Variants in EPN2 observed in about 807,000 individuals in gnomAD.
EPN2 encodes epsin 2.
EPN2 carries 34 observed loss-of-function variants against 61.7 expected under a neutral mutation model. The ratio of observed to expected loss-of-function variants is 0.55; its 90% CI spans 0.42 to 0.73. The LOEUF is 0.73. Among genes scored for constraint, EPN2 ranks in the 30% least tolerant of loss-of-function variants. EPN2 has a pLI of 0.00. For missense variants in EPN2, 714 were observed against 839.2 expected, an observed-to-expected ratio of 0.85 and a Z score of 1.84; for synonymous variants, 349 against 353.6, an observed-to-expected ratio of 0.99 and a Z score of 0.15.
chr17:19,258,734 G>C (rs1367786356), intron 1 of EPN2, among the ~76,000 whole-genome samples: 2 of 152,162 alleles, frequency 1.3e-5, no homozygotes, highest in Non-Finnish European at 2.9e-5. Context: ...CGTGTGGACA[G>C]CGCGGTTTGT....
At chr17:19,266,463 C>T (rs997611820) in intron 1 of EPN2, among the ~76,000 whole-genome samples, 17 of 150,864 alleles carry the variant, frequency 1.1e-4, no homozygotes, top group African/African-American at 2.9e-4. Context: ...AGTGCAGTGG[C>T]GCGATCTTGG....
intron 4 of EPN2, chr17:19,308,370 G>A: frequency 1.0e-6 from 1 of 985,312 alleles, no homozygotes; most frequent in Non-Finnish European, 1.2e-6. Context: ...CGCCATGCCC[G>A]GCACAATTAG....
intron 5 of EPN2, among the ~76,000 whole-genome samples, chr17:19,310,287 G>A (rs375182333): frequency 1.8e-3 from 268 of 152,310 alleles, no homozygotes; most frequent in African/African-American, 6.2e-3. Context: ...GCAGACACGT[G>A]TCTGGGCTTT....
At position 19,285,587 on chromosome 17, in the gene EPN2, CTCTG is replaced by C; in HGVS notation, c.596-31_596-28del. The C allele has an allele frequency of 6.8e-7, 1 of 1,475,748 alleles. No homozygotes were observed. The highest frequency in any genetic ancestry group is 9.0e-7 in the Non-Finnish European group (1 of 1,106,930). 91.4% of individuals were successfully genotyped at this position (1,475,748 alleles called of 1,614,324 possible). On this transcript the variant is annotated intron_variant, in intron 3 of 10. Coordinates refer to ENST00000314728, the MANE Select transcript of EPN2 (RefSeq NM_014964.5). The surrounding 1 kb of genome is among the most constrained non-coding windows in gnomAD (Gnocchi z 4.5). Reference sequence around the variant, plus strand: ...CTGCGCACCCTCTAATGGCGTGTCTCTCTGTGTGTGTGTGTGTGTCCCTGCCCCA... The same window carrying C: ...CTGCGCACCCTCTAATGGCGTGTCTCTGTGTGTGTGTGTGTCCCTGCCCCA...
rs752069916 is a variant in EPN2 at position 19,333,994 on chromosome 17, G to C, written c.1666G>C (p.Val556Leu). ...CTCGGCCCCTGTTAACCCTTTCCAG[G>C]TGAACCAGCCCCAGCCGCTGACACT... is the stretch of plus-strand genomic sequence containing the variant. The part of the protein sequence containing the change: ...ATSAPVNPFQ[V>L]NQPQPLTLNQ... Residue 556 changes from valine to leucine, a missense_variant, in exon 11 of 11, where the codon GTG becomes CTG. Transcript: ENST00000314728. The C allele has an allele frequency of 3.2e-6, 5 of 1,583,408 alleles. No individual in the cohort carries two copies. The highest frequency in any genetic ancestry group is 3.4e-6 in the Non-Finnish European group (4 of 1,160,916).
At chr17:19,281,095 C>T (rs1027636924) in intron 1 of EPN2, among the ~76,000 whole-genome samples, 2 of 152,176 alleles carry the variant, frequency 1.3e-5, no homozygotes, top group Non-Finnish European at 2.9e-5. Context: ...CGTTCAGGAA[C>T]CTTTGTGTGT....
chr17:19,309,447 A>G (rs1038221053), intron 4 of EPN2, among the ~76,000 whole-genome samples: 8 of 152,166 alleles, frequency 5.3e-5, no homozygotes, highest in African/African-American at 1.9e-4. Context: ...CAGCTCTTGA[A>G]TGTTGGTGTG....
chr17:19,335,554 C>T lies in EPN2; in HGVS notation c.*1300C>T, dbSNP rs936582133. On this transcript the variant is annotated 3_prime_UTR_variant, in exon 11 of 11. Transcript: ENST00000314728. ...GTGGAAATGGCAGTTGTCCCGAGGG[C>T]GTGGGGTGGGGGGTGCTTCTGTGCC... 1.8e-4 allele frequency: 235 copies of T among 1,341,354 alleles called. 1 individual carries two copies. In the South Asian group the frequency reaches 3.1e-3, roughly 18 times the overall value. The allele number at this position is 1,341,354 out of a possible 1,614,324, so 83.1% of individuals were successfully genotyped here.
chr17:19,240,435 A>T (rs1412941123), intron 1 of EPN2, among the ~76,000 whole-genome samples: 1 of 152,000 alleles, frequency 6.6e-6, no homozygotes, highest in Non-Finnish European at 1.5e-5. Context: ...TAGTAGAGAT[A>T]GGGTTTTGCC....
intron 1 of EPN2, among the ~76,000 whole-genome samples, chr17:19,238,594 C>T (rs1368896849): frequency 6.6e-6 from 1 of 152,202 alleles, no homozygotes; most frequent in East Asian, 1.9e-4. Context: ...ATGAGGGAAA[C>T]TGAGGCCCAG....
intron 7 of EPN2, 148 bp from the exon 8 acceptor site, chr17:19,328,563 C>T: frequency 1.6e-6 from 1 of 645,070 alleles, no homozygotes; most frequent in South Asian, 3.4e-5. Context: ...TCCCTCTTTG[C>T]TGGCGTGGGA....
chr17:19,256,264 G>C (rs2045077705), intron 1 of EPN2, among the ~76,000 whole-genome samples: 1 of 151,752 alleles, frequency 6.6e-6, no homozygotes, highest in Non-Finnish European at 1.5e-5. Context: ...AATTGTTCTG[G>C]GATGGGGCCT....
intron 6 of EPN2, among the ~76,000 whole-genome samples, chr17:19,312,684 T>C (rs1416326025): frequency 1.3e-5 from 2 of 152,116 alleles, no homozygotes; most frequent in Admixed American, 6.5e-5. Context: ...CCTGACTGGT[T>C]GATGTTGATG....
intron 10 of EPN2, among the ~76,000 whole-genome samples, chr17:19,332,674 T>C (rs1004281402): frequency 2.0e-5 from 3 of 152,200 alleles, no homozygotes; most frequent in African/African-American, 7.2e-5. Flanking sequence ...CCTCAGCCTG[T>C]AGAGCCCTTC....
intron 9 of EPN2, among the ~76,000 whole-genome samples, chr17:19,331,430 C>T (rs1285275523): frequency 1.3e-5 from 2 of 151,626 alleles, no homozygotes; most frequent in Non-Finnish European, 2.9e-5. Context: ...CCTCTATGGG[C>T]TGAATTTTAA....
At chr17:19,291,427 ATTTTTTTTTTTTT>A (rs60753158) in intron 4 of EPN2, among the ~76,000 whole-genome samples, 18 of 69,886 alleles carry the variant, frequency 2.6e-4, no homozygotes, top group African/African-American at 5.5e-4. Context: ...TCAGCCATTC[ATTTTTTTTTTTTT>A]TTTTTTTTTT....
At chr17:19,267,418 C>G (rs2045211011) in intron 1 of EPN2, among the ~76,000 whole-genome samples, 1 of 151,882 alleles carries the variant, frequency 6.6e-6, no homozygotes, top group African/African-American at 2.4e-5. Context: ...AGAAACAAAA[C>G]AAAAAGATCC....
chr17:19,272,715 T>C (rs1372978812), intron 1 of EPN2, among the ~76,000 whole-genome samples: 1 of 152,242 alleles, frequency 6.6e-6, no homozygotes, highest in Non-Finnish European at 1.5e-5. Context: ...TTTGTAAGAC[T>C]GCTTTGAGGA....
At chr17:19,317,849 G>A (rs752091569) in intron 7 of EPN2, among the ~76,000 whole-genome samples, 6 of 152,150 alleles carry the variant, frequency 3.9e-5, no homozygotes, top group African/African-American at 9.7e-5. Flanking sequence ...GCCAGCAGGC[G>A]TTCCCTGAGG....
Sources: allele counts gnomAD v4.1 joint callset (sites outside exome capture counted in the v4.1 genomes callset), GRCh38; gene constraint gnomAD v4.1.1; non-coding constraint Gnocchi (gnomAD v3.1); transcripts MANE v1.5; gene names NCBI Gene and HGNC (gene_info 2026-07-23, HGNC 2026-07-21).